HIP1: variants seen among roughly 807,000 people sequenced by gnomAD.
HIP1 encodes huntingtin interacting protein 1, also known as huntingtin-interacting protein 1.
A neutral mutation model predicts 147.6 loss-of-function variants in HIP1; 65 were observed. The ratio of observed to expected loss-of-function variants is 0.44; its 90% CI spans 0.36 to 0.54. The LOEUF (loss-of-function observed/expected upper bound fraction) is 0.54, where lower values mean the gene tolerates loss of function less well. Ranked by LOEUF, HIP1 falls within the 20% of genes least tolerant of loss-of-function variation. The pLI, the probability that HIP1 is intolerant of heterozygous loss-of-function variation, is 0.00. For synonymous variants in HIP1, 479 were observed against 504.0 expected (o/e 0.95, Z 0.67); for missense variants, 1,061 against 1,299.6 (o/e 0.82, Z 2.82).
intron 2 of HIP1, among the ~76,000 whole-genome samples, chr7:75,596,329 A>G (rs1554501966): frequency 6.6e-6 from 1 of 151,516 alleles, no homozygotes; most frequent in African/African-American, 2.4e-5. Flanking sequence ...TTTATTCACC[A>G]TTTAGAAATT....
rs1793996032 is a variant in HIP1 at position 75,534,141 on chromosome 7, GC to G, written c.*4030del. The G allele has an allele frequency of 1.3e-5, 3 of 230,152 alleles. No homozygotes were observed. Among genetic ancestry groups the G allele is most frequent in the Admixed American group, 5.7e-5 (1 of 17,678 alleles). 14.3% of individuals were successfully genotyped at this position (230,152 alleles called of 1,614,324 possible). ...ACTAGCTCCTGCACAGGGTCGAGGGGCCAAAGCCAACTAATCTGACCGGAGC... is the reference window on the plus strand; with the variant it reads ...ACTAGCTCCTGCACAGGGTCGAGGGGCAAAGCCAACTAATCTGACCGGAGC... On this transcript the variant is annotated 3_prime_UTR_variant, in exon 31 of 31. Transcript: ENST00000336926.
At chr7:75,567,178 T>G (rs1795440444) in intron 9 of HIP1, among the ~76,000 whole-genome samples, 1 of 150,954 alleles carries the variant, frequency 6.6e-6, no homozygotes, top group South Asian at 2.1e-4. Context: ...TTTGTTTTTT[T>G]TTTTTGAGAA....
At chr7:75,722,597 C>T (rs367999207) in intron 1 of HIP1, among the ~76,000 whole-genome samples, 16 of 152,266 alleles carry the variant, frequency 1.1e-4, no homozygotes, top group Non-Finnish European at 4.4e-5. Context: ...TATCCGGATG[C>T]GGCAGGCCTA....
At chr7:75,640,635 C>G (rs1408100950) in intron 1 of HIP1, among the ~76,000 whole-genome samples, 1 of 151,930 alleles carries the variant, frequency 6.6e-6, no homozygotes, top group Non-Finnish European at 1.5e-5. Context: ...CGCCTATAAT[C>G]CCAGCTACTC....
At chr7:75,602,757 T>C (rs1276705744) in intron 1 of HIP1, among the ~76,000 whole-genome samples, 1 of 151,914 alleles carries the variant, frequency 6.6e-6, no homozygotes, top group Non-Finnish European at 1.5e-5. Flanking sequence ...CTGTTGTAAG[T>C]TGAATTGTAT....
chr7:75,652,899 C>T (rs1473547167), intron 1 of HIP1, among the ~76,000 whole-genome samples: 2 of 152,100 alleles, frequency 1.3e-5, no homozygotes, highest in Non-Finnish European at 2.9e-5. Flanking sequence ...GCAATACCCA[C>T]TCTTGAGGGT....
intron 1 of HIP1, among the ~76,000 whole-genome samples, chr7:75,664,314 G>A (rs1337362308): frequency 1.4e-4 from 17 of 124,892 alleles, no homozygotes; most frequent in African/African-American, 3.4e-4. Flanking sequence ...GTATGTATAT[G>A]TATACATACA....
intron 23 of HIP1, 149 bp downstream of exon 23, chr7:75,548,742 G>C: frequency 1.5e-6 from 1 of 688,584 alleles, no homozygotes; most frequent in South Asian, 1.6e-5. Flanking sequence ...GGGGTTACAG[G>C]CATGAGCCAC....
chr7:75,676,384 A>AG (rs1244365269), intron 1 of HIP1, among the ~76,000 whole-genome samples: 1 of 152,138 alleles, frequency 6.6e-6, no homozygotes, highest in African/African-American at 2.4e-5. Context: ...GGTCAGTCCA[A>AG]GGGGGGTTAT....
intron 1 of HIP1, among the ~76,000 whole-genome samples, chr7:75,647,863 C>T (rs1444447380): frequency 2.6e-5 from 4 of 152,216 alleles, no homozygotes; most frequent in South Asian, 2.1e-4. Context: ...GGACTGAACA[C>T]GAGTGGCAGT....
chr7:75,678,359 T>TC (rs1554516347), intron 1 of HIP1, among the ~76,000 whole-genome samples: 2 of 126,520 alleles, frequency 1.6e-5, no homozygotes, highest in Non-Finnish European at 3.3e-5. Context: ...TTTTTTTTTT[T>TC]TTGAGACAGC....
intron 28 of HIP1, 52 bp downstream of exon 28, chr7:75,542,799 A>G (rs1362653278): frequency 3.8e-6 from 6 of 1,585,588 alleles, no homozygotes; most frequent in Non-Finnish European, 5.2e-6. Context: ...GGAAGGATGC[A>G]GAGAAGAGCT....
chr7:75,677,999 T>G (rs576546420), intron 1 of HIP1, among the ~76,000 whole-genome samples: 335 of 152,218 alleles, frequency 2.2e-3, no homozygotes, highest in Non-Finnish European at 3.5e-3. Context: ...TTACTCACTA[T>G]TTTTTCTCTG....
At chr7:75,687,678 C>T (rs1800311148) in intron 1 of HIP1, among the ~76,000 whole-genome samples, 1 of 152,060 alleles carries the variant, frequency 6.6e-6, no homozygotes, top group Admixed American at 6.6e-5. Context: ...GAGACAAGAG[C>T]GGAACTCCGT....
At chr7:75,634,873 G>A (rs1407562369) in intron 1 of HIP1, among the ~76,000 whole-genome samples, 4 of 145,898 alleles carry the variant, frequency 2.7e-5, no homozygotes, top group Non-Finnish European at 6.0e-5. Context: ...CCAGGAGTTC[G>A]AGGCTAGAGT....
At chr7:75,737,992 T>C (rs1445483316) in intron 1 of HIP1, among the ~76,000 whole-genome samples, 1 of 152,148 alleles carries the variant, frequency 6.6e-6, no homozygotes, top group East Asian at 1.9e-4. Flanking sequence ...CATTAAAAAC[T>C]CGGAGAAAAA....
chr7:75,688,233 G>A (rs1162154600), intron 1 of HIP1, among the ~76,000 whole-genome samples: 1 of 152,172 alleles, frequency 6.6e-6, no homozygotes, highest in African/African-American at 2.4e-5. Flanking sequence ...AGGTGGGACC[G>A]CCCTTGTGAA....
Position 75,567,617 on chromosome 7 carries a change from A to G in HIP1, c.803+582T>C, listed in dbSNP as rs1795455513. On this transcript the variant is annotated intron_variant, in intron 9 of 30. Transcript: ENST00000336926. ...AGAGATCGAGACCATCCTGGCCAACATGGTGAAACCCTATCTCTACTAAAA... is the reference window on the plus strand; with the variant it reads ...AGAGATCGAGACCATCCTGGCCAACGTGGTGAAACCCTATCTCTACTAAAA... 4.6e-5 allele frequency among the ~76,000 whole-genome samples: 7 copies of G among 151,306 alleles called. 1 individual carries two copies. The South Asian group carries it at 1.4e-3, about 31-fold the overall frequency.
intron 1 of HIP1, among the ~76,000 whole-genome samples, chr7:75,672,798 AGTT>A (rs1385363943): frequency 6.6e-6 from 1 of 152,110 alleles, no homozygotes; most frequent in Non-Finnish European, 1.5e-5. Context: ...GAGTTTTATA[AGTT>A]TAGCTCTTAC....
Sources: gnomAD v4.1 joint callset for allele counts (sites outside exome capture counted in the v4.1 genomes callset) on GRCh38, gnomAD v4.1.1 for gene constraint, MANE v1.5 for transcripts, NCBI Gene and HGNC (gene_info 2026-07-23, HGNC 2026-07-21) for gene names.